CTNNA3: variants seen among roughly 807,000 people sequenced by gnomAD.
CTNNA3 encodes the protein catenin alpha 3.
In CTNNA3, 76 loss-of-function variants were observed where a neutral mutation model predicts 95.7. The ratio of observed to expected loss-of-function variants is 0.79; its 90% CI spans 0.66 to 0.96. The LOEUF (loss-of-function observed/expected upper bound fraction) is 0.96, where lower values mean the gene tolerates loss of function less well. Ranked by LOEUF, CTNNA3 falls within the 40% of genes least tolerant of loss-of-function variation. The pLI, the probability that CTNNA3 is intolerant of heterozygous loss-of-function variation, is 0.00. For missense variants in CTNNA3, 1,191 were observed against 1,089.8 expected, an observed-to-expected ratio of 1.09 and a Z score of -1.31; for synonymous variants, 431 against 374.4, an observed-to-expected ratio of 1.15 and a Z score of -1.74.
At chr10:66,199,806 T>TATGTATATA (rs1554887153) in intron 13 of CTNNA3, among the ~76,000 whole-genome samples, 4 of 9,032 alleles carry the variant, frequency 4.4e-4, no homozygotes, top group Non-Finnish European at 5.5e-4. Flanking sequence ...TATATATATA[T>TATGTATATA]TTTTTTTTTT....
At chr10:66,674,865 A>G (rs1022977571) in intron 9 of CTNNA3, among the ~76,000 whole-genome samples, 35 of 152,082 alleles carry the variant, frequency 2.3e-4, no homozygotes, top group African/African-American at 8.2e-4. Context: ...TCCCAGGTGC[A>G]TATGCTGGAA....
intron 9 of CTNNA3, among the ~76,000 whole-genome samples, chr10:66,698,193 C>T: frequency 1.3e-5 from 2 of 152,216 alleles, no homozygotes; most frequent in Admixed American, 1.3e-4. Context: ...TAAAATCTTC[C>T]AGATGTAAGT....
chr10:67,146,686 C>T (rs1284999781), intron 7 of CTNNA3, among the ~76,000 whole-genome samples: 1 of 152,138 alleles, frequency 6.6e-6, no homozygotes, highest in African/African-American at 2.4e-5. Flanking sequence ...TCTGGGTCAG[C>T]TTAGGCAATC....
At chr10:66,362,846 T>G (rs1023668510) in intron 12 of CTNNA3, among the ~76,000 whole-genome samples, 3 of 152,198 alleles carry the variant, frequency 2.0e-5, no homozygotes, top group African/African-American at 2.4e-5. Context: ...TAAGATGCTT[T>G]CAAATTTGCT....
At chr10:67,737,600 G>C (rs1841309875) in intron 1 of CTNNA3, among the ~76,000 whole-genome samples, 1 of 152,144 alleles carries the variant, frequency 6.6e-6, no homozygotes, top group Non-Finnish European at 1.5e-5. Context: ...CAAAGGATAT[G>C]AACAGACACT....
chr10:66,013,486 C>T (rs1306700085), intron 15 of CTNNA3, among the ~76,000 whole-genome samples: 1 of 152,078 alleles, frequency 6.6e-6, no homozygotes, highest in East Asian at 1.9e-4. Flanking sequence ...CGCAGGAGCC[C>T]CTAGTAATAA....
At chr10:67,198,499 T>A (rs2132199971) in intron 6 of CTNNA3, among the ~76,000 whole-genome samples, 1 of 152,262 alleles carries the variant, frequency 6.6e-6, no homozygotes, top group African/African-American at 2.4e-5. Context: ...ATACTGAGCA[T>A]CAGTGGGAAG....
At chr10:66,968,966 G>A (rs1849579467) in intron 7 of CTNNA3, among the ~76,000 whole-genome samples, 1 of 151,934 alleles carries the variant, frequency 6.6e-6, no homozygotes, top group South Asian at 2.1e-4. Context: ...CCAGTGAGCT[G>A]AGAACACACC....
chr10:67,110,115 G>A (rs953340820), intron 7 of CTNNA3, among the ~76,000 whole-genome samples: 3 of 152,094 alleles, frequency 2.0e-5, no homozygotes, highest in African/African-American at 7.2e-5. Context: ...TCTACAGGGT[G>A]GCACATGCTA....
chr10:66,492,056 G>T (rs549249534), intron 11 of CTNNA3, among the ~76,000 whole-genome samples: 6 of 152,070 alleles, frequency 3.9e-5, no homozygotes, highest in South Asian at 4.2e-4. Flanking sequence ...TGTTTCATGT[G>T]TTTTAGCCTC....
At chr10:66,443,097 G>C (rs2089398) in intron 11 of CTNNA3, among the ~76,000 whole-genome samples, 57,895 of 151,802 alleles carry the variant, frequency 0.38, 11,569 homozygotes, top group African/African-American at 0.5. Context: ...AAGGCCACAG[G>C]GAGGCTGGGG....
At chr10:66,293,702 G>C (rs988127530) in intron 12 of CTNNA3, among the ~76,000 whole-genome samples, 3 of 123,070 alleles carry the variant, frequency 2.4e-5, no homozygotes, top group Non-Finnish European at 4.9e-5. Flanking sequence ...CTCTTATTCT[G>C]TCGCCCAGGC....
intron 7 of CTNNA3, among the ~76,000 whole-genome samples, chr10:66,985,484 A>G (rs1850677116): frequency 6.6e-6 from 1 of 152,140 alleles, no homozygotes; most frequent in South Asian, 2.1e-4. Flanking sequence ...AGGGGAAAGT[A>G]TACCCAGCCC....
intron 17 of CTNNA3, among the ~76,000 whole-genome samples, chr10:65,942,034 T>C (rs1006867322): frequency 7.9e-5 from 12 of 152,222 alleles, no homozygotes; most frequent in African/African-American, 2.9e-4. Flanking sequence ...AAATGGTATA[T>C]TTAAAATATA....
chr10:67,435,114 T>C lies in CTNNA3; in HGVS notation c.579+86728A>G, dbSNP rs552576899. Among the ~76,000 whole-genome samples the C allele has an allele frequency of 1.0e-3, 152 of 152,152 alleles. 1 individual carries two copies. Among genetic ancestry groups the C allele is most frequent in the African/African-American group, 3.4e-3 (141 of 41,564 alleles). On this transcript the variant is annotated intron_variant, in intron 5 of 17. Coordinates refer to ENST00000433211, the MANE Select transcript of CTNNA3 (RefSeq NM_013266.4). The stretch of plus-strand genomic sequence containing the variant: ...TGTTCCTAGCTTTTTCTTTCTCTCA[T>C]TGCCTTTTATTTGTAACTAGTGCTC...
intron 13 of CTNNA3, among the ~76,000 whole-genome samples, chr10:66,189,334 G>C (rs2086527056): frequency 6.7e-6 from 1 of 150,348 alleles, no homozygotes; most frequent in South Asian, 2.1e-4. Context: ...TTTTCTCTAG[G>C]AGTTTTTCAG....
chr10:66,962,221 C>T (rs533494538), intron 7 of CTNNA3, among the ~76,000 whole-genome samples: 1 of 152,214 alleles, frequency 6.6e-6, no homozygotes, highest in East Asian at 1.9e-4. Context: ...GCCTCAAGGC[C>T]TAACAGAATT....
intron 13 of CTNNA3, among the ~76,000 whole-genome samples, chr10:66,119,595 C>A (rs1322876830): frequency 6.6e-6 from 1 of 152,038 alleles, no homozygotes; most frequent in Non-Finnish European, 1.5e-5. Flanking sequence ...CTTTTTTAGG[C>A]TTTAACTATG....
chr10:66,428,810 C>T (rs10822829), intron 11 of CTNNA3, among the ~76,000 whole-genome samples: 57,158 of 150,598 alleles, frequency 0.38, 11,283 homozygotes, highest in African/African-American at 0.5. Flanking sequence ...AGGAAAGATC[C>T]AAAATTGACA....
Sources: allele counts gnomAD v4.1 joint callset (sites outside exome capture counted in the v4.1 genomes callset), GRCh38; gene constraint gnomAD v4.1.1; transcripts MANE v1.5; gene names NCBI Gene and HGNC (gene_info 2026-07-23, HGNC 2026-07-21).